The following TTC7A variants were observed in gnomAD, a reference collection of about 807,000 sequenced individuals.
The protein encoded by TTC7A is tetratricopeptide repeat domain 7A, also known as tetratricopeptide repeat protein 7A.
Under a neutral mutation model 103.7 loss-of-function variants are expected in TTC7A, and 110 were observed. The ratio of observed to expected loss-of-function variants is 1.06; its 90% CI spans 0.91 to 1.24. TTC7A has a LOEUF of 1.24. Ranked by LOEUF, TTC7A falls within the 50% of genes most tolerant of loss-of-function variation. The probability of loss-of-function intolerance (pLI) is 0.00; values close to 1 mark genes in which losing one functional copy is unlikely to be tolerated. For missense variants in TTC7A, 1,340 were observed against 1,116.3 expected (o/e 1.20, Z -2.86); for synonymous variants, 521 against 467.9 (o/e 1.11, Z -1.47).
intron 3 of TTC7A, chr2:46,974,542 G>A: frequency 4.8e-6 from 2 of 415,150 alleles, no homozygotes; most frequent in Non-Finnish European, 9.6e-6. Flanking sequence ...TAAGCTTGCT[G>A]TGTAGGGAGT....
rs766411601 is a variant in TTC7A at position 46,950,458 on chromosome 2, A to C, written c.280A>C (p.Lys94Gln). Residue 94 changes from lysine (K) to glutamine (Q), a missense_variant, in exon 2 of 20, where the codon AAG becomes CAG. Lys to Gln is a moderately conservative substitution (Grantham distance 53). Coordinates refer to ENST00000319190, the MANE Select transcript of TTC7A (RefSeq NM_020458.4). ...KIKDSMPLLEKNEPKMSEAKN... is the reference protein window; with the variant it reads ...KIKDSMPLLEQNEPKMSEAKN... Reference sequence around the variant, plus strand: ...AAAAGACTCCATGCCTTTGCTGGAGAAGAATGAGCCGAAGATGAGCGAAGC... The same window carrying C: ...AAAAGACTCCATGCCTTTGCTGGAGCAGAATGAGCCGAAGATGAGCGAAGC... The C allele has an allele frequency of 5.5e-5, 89 of 1,614,046 alleles. No individual in the cohort carries two copies. Among genetic ancestry groups the C allele is most frequent in the Non-Finnish European group, 7.0e-5 (83 of 1,180,040 alleles).
At chr2:46,975,843 T>G (rs1673823531) in intron 4 of TTC7A, among the ~76,000 whole-genome samples, 1 of 152,156 alleles carries the variant, frequency 6.6e-6, no homozygotes, top group Non-Finnish European at 1.5e-5. Flanking sequence ...TTCAAGCGAT[T>G]CTTCTGCCTC....
rs147402810 is a variant in TTC7A, at chr2:46,957,066, C to T, written c.517+59C>T. Reference sequence around the variant, plus strand: ...CTGTGTGCAGCTCGTTGCACTCTGACTCCCAGGGCCCTGCTGGGCTCGTGT... The same window carrying T: ...CTGTGTGCAGCTCGTTGCACTCTGATTCCCAGGGCCCTGCTGGGCTCGTGT... On this transcript the variant is annotated intron_variant, in intron 3 of 19. Transcript: ENST00000319190. 1.4e-4 allele frequency: 227 copies of T among 1,600,152 alleles called. No homozygotes were observed. The African/African-American group carries it at 2.6e-3, about 18-fold the overall frequency.
intron 19 of TTC7A, chr2:47,071,079 C>T (rs1684648684): frequency 6.6e-6 from 1 of 152,326 alleles, no homozygotes; most frequent in South Asian, 2.1e-4. Context: ...GTCGGGGTGC[C>T]AGGAGGATTG....
intron 18 of TTC7A, among the ~76,000 whole-genome samples, chr2:47,055,151 C>T (rs574731893): frequency 6.6e-6 from 1 of 152,108 alleles, no homozygotes; most frequent in Admixed American, 6.5e-5. Flanking sequence ...AGCATCCCCC[C>T]GCCAAACCCT....
At chr2:46,977,229 C>G (rs1057181003) in intron 4 of TTC7A, among the ~76,000 whole-genome samples, 2 of 152,096 alleles carry the variant, frequency 1.3e-5, no homozygotes, top group African/African-American at 4.8e-5. Flanking sequence ...CAAATGGGAC[C>G]CTATAGTTGT....
intron 15 of TTC7A, among the ~76,000 whole-genome samples, chr2:47,039,964 T>G (rs1681555899): frequency 6.6e-6 from 1 of 152,186 alleles, no homozygotes; most frequent in South Asian, 2.1e-4. Flanking sequence ...GTCCCCTGGT[T>G]CAGCAGGGGC....
At chr2:47,053,152 C>T (rs1232930399) in intron 18 of TTC7A, among the ~76,000 whole-genome samples, 2 of 152,050 alleles carry the variant, frequency 1.3e-5, no homozygotes, top group African/African-American at 4.8e-5. Flanking sequence ...GTTAGCATCT[C>T]GGGGTCCCTT....
intron 15 of TTC7A, among the ~76,000 whole-genome samples, chr2:47,033,276 G>C (rs1470635559): frequency 6.6e-6 from 1 of 152,200 alleles, no homozygotes; most frequent in Non-Finnish European, 1.5e-5. Context: ...CCTTTGTCCT[G>C]ACCTCATCGT....
At chr2:46,971,150 T>A (rs1673322407) in intron 3 of TTC7A, among the ~76,000 whole-genome samples, 1 of 152,188 alleles carries the variant, frequency 6.6e-6, no homozygotes. Context: ...GTAAACACGA[T>A]TAGGTTGATG....
chr2:47,020,159 G>A (rs1049979009), intron 11 of TTC7A, among the ~76,000 whole-genome samples: 6 of 152,196 alleles, frequency 3.9e-5, no homozygotes, highest in African/African-American at 4.8e-5. Flanking sequence ...TGTGGGGAGC[G>A]GGGAGGAGCG....
intron 8 of TTC7A, chr2:46,999,994 CTG>C (rs1360545534): frequency 1.2e-6 from 1 of 808,908 alleles, no homozygotes; most frequent in African/African-American, 1.9e-5. Context: ...CATTCACAAT[CTG>C]TGTGGCCTGG....
rs116126725 is a variant in TTC7A, at chr2:46,960,725, T to G, written c.517+3718T>G. On this transcript the variant is annotated intron_variant, in intron 3 of 19. Coordinates refer to ENST00000319190, the MANE Select transcript of TTC7A (RefSeq NM_020458.4). Reference sequence around the variant, plus strand: ...GTGGCCATTTTAAGGATGAAGAAGCTGAGGAAGTTCACGCAGCCTATAAGT... The same window carrying G: ...GTGGCCATTTTAAGGATGAAGAAGCGGAGGAAGTTCACGCAGCCTATAAGT... 1.7e-3 allele frequency among the ~76,000 whole-genome samples: 265 copies of G among 152,342 alleles called. 1 individual carries two copies. The highest frequency in any genetic ancestry group is 5.8e-3 in the African/African-American group (242 of 41,570).
chr2:46,958,104 T>TC (rs1359294095), intron 3 of TTC7A, among the ~76,000 whole-genome samples: 1 of 152,162 alleles, frequency 6.6e-6, no homozygotes, highest in Non-Finnish European at 1.5e-5. Flanking sequence ...TTCCCCTGTC[T>TC]CCCCTGGGTC....
At chr2:46,930,435 G>GAA (rs56691862) in intron 2 of TTC7A, among the ~76,000 whole-genome samples, 4,420 of 120,258 alleles carry the variant, frequency 0.037, 247 homozygotes, top group African/African-American at 0.13. Context: ...GTATTCCTAG[G>GAA]AAAAAAAAAA....
chr2:46,916,097 G>C (rs906202741), upstream of TTC7A: 1 of 985,466 alleles, frequency 1.0e-6, no homozygotes, highest in Non-Finnish European at 1.2e-6. Flanking sequence ...CACGGGCGAC[G>C]TAGGATGGCG....
intron 18 of TTC7A, among the ~76,000 whole-genome samples, chr2:47,055,011 C>T (rs1040732478): frequency 6.6e-6 from 1 of 152,014 alleles, no homozygotes; most frequent in Admixed American, 6.6e-5. Context: ...TCTCCCCTCC[C>T]CTGGCTGCCA....
At chr2:46,952,864 A>C (rs1671532824) in intron 2 of TTC7A, among the ~76,000 whole-genome samples, 1 of 152,172 alleles carries the variant, frequency 6.6e-6, no homozygotes, top group African/African-American at 2.4e-5. Context: ...TTCTTTGTGC[A>C]TTTACAAACA....
intron 6 of TTC7A, 133 bp from the exon 7 acceptor site, chr2:46,994,224 T>G: frequency 9.5e-7 from 1 of 1,051,816 alleles, no homozygotes; most frequent in Non-Finnish European, 1.4e-6. Flanking sequence ...GGGAGTGGGG[T>G]TGGGGAGTTT....
Sources: gnomAD v4.1 joint callset for allele counts (sites outside exome capture counted in the v4.1 genomes callset) on GRCh38, gnomAD v4.1.1 for gene constraint, MANE v1.5 for transcripts, NCBI Gene and HGNC (gene_info 2026-07-23, HGNC 2026-07-21) for gene names.